TAF1B: variants seen among roughly 807,000 people sequenced by gnomAD.
The protein encoded by TAF1B is TATA box-binding protein-associated factor RNA polymerase I subunit B.
In TAF1B, 61 loss-of-function variants were observed where a neutral mutation model predicts 83.9. The ratio of observed to expected loss-of-function variants is 0.73; its 90% CI spans 0.59 to 0.90. TAF1B has a LOEUF of 0.90. Ranked by LOEUF, TAF1B falls within the 40% of genes least tolerant of loss-of-function variation. The pLI is 0.00. For missense variants in TAF1B, 625 were observed against 677.0 expected (o/e 0.92, Z 0.85); for synonymous variants, 221 against 224.6 (o/e 0.98, Z 0.14).
At chr2:9,897,059 T>C (rs1665041059) in intron 8 of TAF1B, among the ~76,000 whole-genome samples, 2 of 152,234 alleles carry the variant, frequency 1.3e-5, no homozygotes, top group African/African-American at 4.8e-5. Flanking sequence ...GACTCAACTT[T>C]CTGGAGTATG....
In TAF1B at chr2:9,851,614, C is replaced by T. The variant is rs748312273; in HGVS notation, c.279C>T (p.Asn93=). Residue 93 remains asparagine, a synonymous_variant, in exon 4 of 15, where the codon AAC becomes AAT. Transcript: ENST00000263663. The stretch of plus-strand genomic sequence containing the variant: ...ATCAACAAGCAGAAGCCTTAAAGAA[C>T]CTTGGAGTAGGCCCAGAGTTAAAGG... ...ILYQQAEALK[N]LGVGPELKND... 5 of 1,612,282 alleles carry T rather than the reference C, an allele frequency of 3.1e-6. No individual in the cohort carries two copies. The highest frequency in any genetic ancestry group is 1.1e-5 in the South Asian group (1 of 90,576).
chr2:9,925,739 G>A (rs1666015803), intron 14 of TAF1B, among the ~76,000 whole-genome samples: 1 of 151,864 alleles, frequency 6.6e-6, no homozygotes, highest in South Asian at 2.1e-4. Flanking sequence ...ACCACCCCTG[G>A]CTAATTTTTG....
At chr2:9,896,081 C>T (rs1432854992) in intron 8 of TAF1B, among the ~76,000 whole-genome samples, 2 of 152,138 alleles carry the variant, frequency 1.3e-5, no homozygotes, top group East Asian at 1.9e-4. Flanking sequence ...ACATGTTAAA[C>T]TTGTGATTTC....
At chr2:9,869,204 G>T (rs1403017810) in intron 6 of TAF1B, among the ~76,000 whole-genome samples, 1 of 151,816 alleles carries the variant, frequency 6.6e-6, no homozygotes, top group African/African-American at 2.4e-5. Context: ...TAACAGTTTT[G>T]TTTGCTTATT....
intron 7 of TAF1B, among the ~76,000 whole-genome samples, chr2:9,882,248 A>C (rs1664528042): frequency 6.6e-6 from 1 of 152,074 alleles, no homozygotes; most frequent in Admixed American, 6.5e-5. Context: ...CTACAGGCCA[A>C]GCCACCATGC....
chr2:9,871,570 A>G (rs945843225), intron 6 of TAF1B, among the ~76,000 whole-genome samples: 1 of 152,144 alleles, frequency 6.6e-6, no homozygotes, highest in African/African-American at 2.4e-5. Context: ...TTTTACATGA[A>G]AGGCTTCAAA....
At chr2:9,876,173 C>T (rs1411458191) in intron 7 of TAF1B, among the ~76,000 whole-genome samples, 155 bp downstream of exon 7, 1 of 152,180 alleles carries the variant, frequency 6.6e-6, no homozygotes, top group Non-Finnish European at 1.5e-5. Context: ...AATGTAATCC[C>T]CCCTGGGCTA....
At chr2:9,885,904 A>C (rs1332857103) in intron 8 of TAF1B, among the ~76,000 whole-genome samples, 2 of 152,194 alleles carry the variant, frequency 1.3e-5, no homozygotes, top group African/African-American at 4.8e-5. Flanking sequence ...CCAAATTATA[A>C]GCTCCTCAGG....
At chr2:9,883,463 A>G (rs1664573466) in intron 8 of TAF1B, among the ~76,000 whole-genome samples, 1 of 152,206 alleles carries the variant, frequency 6.6e-6, no homozygotes, top group South Asian at 2.1e-4. Flanking sequence ...GTCATTTGTT[A>G]AGTGCTGTTT....
intron 14 of TAF1B, among the ~76,000 whole-genome samples, chr2:9,924,594 G>A (rs1665980170): frequency 6.6e-6 from 1 of 152,122 alleles, no homozygotes. Flanking sequence ...TTATTAGCAT[G>A]TTTTCTAATG....
intron 8 of TAF1B, 116 bp from the exon 9 acceptor site, chr2:9,904,743 A>T: frequency 2.0e-6 from 2 of 1,008,276 alleles, no homozygotes; most frequent in Non-Finnish European, 2.9e-6. Context: ...GCACAACTTC[A>T]CCAGCATCTG....
intron 6 of TAF1B, among the ~76,000 whole-genome samples, chr2:9,871,655 G>T (rs540832622): frequency 6.6e-6 from 1 of 152,132 alleles, no homozygotes; most frequent in East Asian, 1.9e-4. Flanking sequence ...CTTTGTTTCC[G>T]TGGTTAGTCT....
chr2:9,929,348 C>T (rs916391562), intron 14 of TAF1B, among the ~76,000 whole-genome samples: 14 of 152,208 alleles, frequency 9.2e-5, no homozygotes, highest in Non-Finnish European at 1.6e-4. Context: ...TTAGTAAAGA[C>T]GGGGTTTCAC....
intron 2 of TAF1B, among the ~76,000 whole-genome samples, chr2:9,848,040 GT>G (rs1427605554): frequency 1.3e-5 from 2 of 152,154 alleles, no homozygotes; most frequent in South Asian, 4.2e-4. Flanking sequence ...ATTTTTTCAG[GT>G]TTTTTGCTCT....
At chr2:9,917,346 C>T (rs975397162) in intron 12 of TAF1B, among the ~76,000 whole-genome samples, 18 of 152,136 alleles carry the variant, frequency 1.2e-4, no homozygotes, top group Admixed American at 5.2e-4. Context: ...CTTTTATATA[C>T]GTATTACTTC....
intron 7 of TAF1B, among the ~76,000 whole-genome samples, chr2:9,876,331 C>A (rs895933579): frequency 6.6e-6 from 1 of 152,046 alleles, no homozygotes; most frequent in Non-Finnish European, 1.5e-5. Context: ...AAATATTTTT[C>A]ATTTCTAAGA....
chr2:9,915,683 C>G (rs1266624307), intron 12 of TAF1B, among the ~76,000 whole-genome samples: 1 of 152,196 alleles, frequency 6.6e-6, no homozygotes. Context: ...GAAAAGTTGT[C>G]AGTTTCTCAA....
chr2:9,853,737 A>C (rs1663472713), intron 4 of TAF1B, among the ~76,000 whole-genome samples: 1 of 152,140 alleles, frequency 6.6e-6, no homozygotes, highest in Non-Finnish European at 1.5e-5. Flanking sequence ...TGGGGATTAC[A>C]GTAGTGAGCC....
At chr2:9,915,139 T>G (rs1037926313) in intron 12 of TAF1B, among the ~76,000 whole-genome samples, 1 of 152,172 alleles carries the variant, frequency 6.6e-6, no homozygotes, top group Non-Finnish European at 1.5e-5. Context: ...GGAGAAAAAT[T>G]AAGCCTGTGC....
Sources: allele counts gnomAD v4.1 joint callset (sites outside exome capture counted in the v4.1 genomes callset), GRCh38; gene constraint gnomAD v4.1.1; transcripts MANE v1.5; gene names NCBI Gene and HGNC (gene_info 2026-07-23, HGNC 2026-07-21).